BMPR2: variants seen among roughly 807,000 people sequenced by gnomAD.
BMPR2 encodes bone morphogenetic protein receptor type-2.
A neutral mutation model predicts 100.8 loss-of-function variants in BMPR2; 29 were observed. The ratio of observed to expected loss-of-function variants is 0.29; its 90% confidence interval spans 0.21 to 0.39. The LOEUF (loss-of-function observed/expected upper bound fraction) is 0.39. Ranked by LOEUF, BMPR2 falls within the 10% of genes least tolerant of loss-of-function variation. The probability of loss-of-function intolerance (pLI) is 1.00; values close to 1 mark genes in which losing one functional copy is unlikely to be tolerated. For synonymous variants in BMPR2, 382 were observed against 442.3 expected, an observed-to-expected ratio of 0.86 and a Z score of 1.71; for missense variants, 1,011 against 1,274.5, an observed-to-expected ratio of 0.79 and a Z score of 3.15.
chr2:202,563,463 A>G lies in BMPR2; in HGVS notation c.*3517A>G, dbSNP rs1688709510. 6.6e-6 allele frequency: 1 copy of G among 152,114 alleles called. No individual in the cohort carries two copies. The highest frequency in any genetic ancestry group is 1.5e-5 in the Non-Finnish European group (1 of 68,008). The allele number at this position is 152,114 out of a possible 1,614,324, so 9.4% of individuals were successfully genotyped here. A position where few individuals can be genotyped will look rare whatever the true frequency, so the allele number is the denominator to read the frequency against. On this transcript the variant is annotated 3_prime_UTR_variant, in exon 13 of 13. Coordinates refer to ENST00000374580, the MANE Select transcript of BMPR2 (RefSeq NM_001204.7). ...AAAAAAACATAAAAATTCAGTCACT[A>G]TACTCTGGCACAATTTTCATTTGTA...
Position 202,390,980 on chromosome 2 carries a change from C to CTTTTTTT in BMPR2, c.76+13451_76+13457dup, listed in dbSNP as rs11459505. 1.5e-4 allele frequency among the ~76,000 whole-genome samples: 8 copies of CTTTTTTT among 51,932 alleles called. 2 individuals are homozygous for CTTTTTTT. The highest frequency in any genetic ancestry group is 5.6e-4 in the Admixed American group (2 of 3,560). 34.1% of individuals were successfully genotyped at this position (51,932 alleles called of 152,430 possible). ...ACCAAAAATGCTTTTAGTAAGTAGTCTTTTTTTTTTTTTTTTTTTTTTTTT... is the reference window on the plus strand; with the variant it reads ...ACCAAAAATGCTTTTAGTAAGTAGTCTTTTTTTTTTTTTTTTTTTTTTTTTTTTTTTT... On this transcript the variant is annotated intron_variant, in intron 1 of 12. Coordinates refer to ENST00000374580, the MANE Select transcript of BMPR2 (RefSeq NM_001204.7).
chr2:202,541,749 A>G lies in BMPR2; in HGVS notation c.1277-562A>G, dbSNP rs1290505128. 2.0e-5 allele frequency among the ~76,000 whole-genome samples: 3 copies of G among 152,282 alleles called. No individual in the cohort carries two copies. In the South Asian group the frequency reaches 6.2e-4, roughly 32 times the overall value. ...TACCAGAAACCATTTAAAAATACCT[A>G]TCCATCATTGAAACTACCATTTGAC... On this transcript the variant is annotated intron_variant, in intron 9 of 12. Transcript: ENST00000374580.
At chr2:202,483,435 G>A (rs1390413582) in intron 3 of BMPR2, among the ~76,000 whole-genome samples, 4 of 151,318 alleles carry the variant, frequency 2.6e-5, no homozygotes, top group African/African-American at 7.3e-5. Flanking sequence ...AGGCTGGAGT[G>A]CAATGGTGTC....
chr2:202,470,824 T>C (rs1330890338), intron 3 of BMPR2, among the ~76,000 whole-genome samples: 3 of 151,800 alleles, frequency 2.0e-5, no homozygotes, highest in Non-Finnish European at 4.4e-5. Context: ...CCCAGCACTT[T>C]GGCAGGCCAA....
chr2:202,509,535 C>CA (rs957514365), intron 3 of BMPR2, among the ~76,000 whole-genome samples: 14 of 150,586 alleles, frequency 9.3e-5, no homozygotes, highest in East Asian at 1.9e-4. Flanking sequence ...TTAGTAAAAG[C>CA]AAAAAAAAGC....
At chr2:202,421,726 C>G (rs1056806306) in intron 1 of BMPR2, among the ~76,000 whole-genome samples, 5 of 142,716 alleles carry the variant, frequency 3.5e-5, no homozygotes, top group Non-Finnish European at 7.6e-5. Context: ...CTTTCCCAGT[C>G]TCTGCCCATT....
chr2:202,521,645 T>C (rs1687820717), intron 7 of BMPR2, among the ~76,000 whole-genome samples: 2 of 152,056 alleles, frequency 1.3e-5, no homozygotes, highest in Admixed American at 1.3e-4. Flanking sequence ...TGTTTGTATT[T>C]CCTACCTTGT....
chr2:202,525,012 T>G (rs1462809100), intron 7 of BMPR2, among the ~76,000 whole-genome samples: 2 of 152,222 alleles, frequency 1.3e-5, no homozygotes, highest in African/African-American at 4.8e-5. Context: ...AAAATGTTCT[T>G]TTGATTCTAG....
intron 4 of BMPR2, among the ~76,000 whole-genome samples, chr2:202,514,572 G>T (rs370294959): frequency 6.6e-6 from 1 of 152,124 alleles, no homozygotes; most frequent in Non-Finnish European, 1.5e-5. Flanking sequence ...GGAAATCAGC[G>T]TTCATTGATT....
chr2:202,537,036 A>G (rs1444835643), intron 9 of BMPR2, among the ~76,000 whole-genome samples: 2 of 152,068 alleles, frequency 1.3e-5, no homozygotes, highest in African/African-American at 4.8e-5. Flanking sequence ...AGCTAGGACT[A>G]CAGGTGCATG....
intron 1 of BMPR2, among the ~76,000 whole-genome samples, chr2:202,388,150 A>T (rs1440804234): frequency 6.6e-6 from 1 of 151,916 alleles, no homozygotes; most frequent in East Asian, 1.9e-4. Flanking sequence ...TAATCCCAGC[A>T]CTTTGGGAGG....
chr2:202,393,227 C>T (rs1334588193), intron 1 of BMPR2, among the ~76,000 whole-genome samples: 5 of 152,118 alleles, frequency 3.3e-5, no homozygotes, highest in Admixed American at 3.3e-4. Context: ...GGATGTGATA[C>T]ACTTAAGGTT....
At chr2:202,528,126 G>T (rs1256079216) in intron 7 of BMPR2, among the ~76,000 whole-genome samples, 1 of 152,156 alleles carries the variant, frequency 6.6e-6, no homozygotes, top group Non-Finnish European at 1.5e-5. Context: ...GGTCAAGACT[G>T]CAGTGAGCCA....
chr2:202,554,440 C>T (rs989383282), intron 11 of BMPR2, among the ~76,000 whole-genome samples: 6 of 152,102 alleles, frequency 3.9e-5, no homozygotes, highest in Non-Finnish European at 8.8e-5. Flanking sequence ...ATAATTCATC[C>T]CATAGTTACG....
intron 3 of BMPR2, among the ~76,000 whole-genome samples, chr2:202,477,512 G>A (rs890436673): frequency 2.0e-5 from 3 of 151,992 alleles, no homozygotes; most frequent in Non-Finnish European, 2.9e-5. Flanking sequence ...AAGCTAAGCC[G>A]GGAGCGGTGG....
At chr2:202,414,561 C>G (rs1691083874) in intron 1 of BMPR2, among the ~76,000 whole-genome samples, 2 of 152,206 alleles carry the variant, frequency 1.3e-5, no homozygotes, top group Non-Finnish European at 2.9e-5. Flanking sequence ...GTTGTGAATG[C>G]AAAGGAAAAG....
chr2:202,521,845 A>G (rs1687824037), intron 7 of BMPR2, among the ~76,000 whole-genome samples: 2 of 152,176 alleles, frequency 1.3e-5, no homozygotes, highest in African/African-American at 2.4e-5. Flanking sequence ...AGAAAAAAAT[A>G]TAACAGGAAG....
chr2:202,452,629 G>A (rs1692012181), intron 1 of BMPR2, among the ~76,000 whole-genome samples: 1 of 152,138 alleles, frequency 6.6e-6, no homozygotes, highest in African/African-American at 2.4e-5. Flanking sequence ...AAAATAATTG[G>A]TTCTAATAGT....
rs186370719 is a variant in BMPR2, at chr2:202,457,256, T to C, written c.77-7553T>C. 2.6e-3 allele frequency among the ~76,000 whole-genome samples: 390 copies of C among 152,066 alleles called. 1 individual carries two copies. Among genetic ancestry groups the C allele is most frequent in the African/African-American group, 9.1e-3 (376 of 41,512 alleles). ...TTTGAGTTAGAATAATAAATAGCCT[T>C]ATATGTGTTTGGGTTTTGCATACTG... On this transcript the variant is annotated intron_variant, in intron 1 of 12. Transcript: ENST00000374580.
Sources: gnomAD v4.1 joint callset for allele counts (sites outside exome capture counted in the v4.1 genomes callset) on GRCh38, gnomAD v4.1.1 for gene constraint, MANE v1.5 for transcripts, NCBI Gene and HGNC (gene_info 2026-07-23, HGNC 2026-07-21) for gene names.